The following ZNF131 variants were observed in gnomAD, a reference collection of about 807,000 sequenced individuals.
ZNF131 encodes zinc finger and BTB domain containing 35.
A neutral mutation model predicts 60.0 loss-of-function variants in ZNF131; 7 were observed. That is an observed-to-expected ratio of 0.12 (90% confidence interval 0.07 to 0.22). The LOEUF (loss-of-function observed/expected upper bound fraction) is 0.22. ZNF131 is among the 10% of genes least tolerant of loss of function. The probability of loss-of-function intolerance (pLI) is 1.00; values close to 1 mark genes in which losing one functional copy is unlikely to be tolerated. For missense variants in ZNF131, 493 were observed against 740.9 expected (o/e 0.67, Z 3.88); for synonymous variants, 257 against 253.2 (o/e 1.01, Z -0.14).
At chr5:43,130,774 C>A (rs1745240591) in intron 3 of ZNF131, among the ~76,000 whole-genome samples, 1 of 151,964 alleles carries the variant, frequency 6.6e-6, no homozygotes, top group African/African-American at 2.4e-5. Context: ...CCATGTTGGT[C>A]AGGCTGATCT....
intron 3 of ZNF131, among the ~76,000 whole-genome samples, chr5:43,132,685 A>T (rs547139469): frequency 1.4e-4 from 22 of 151,746 alleles, no homozygotes; most frequent in South Asian, 2.1e-4. Context: ...TAATTTTGTT[A>T]TATTTTTGGC....
intron 3 of ZNF131, among the ~76,000 whole-genome samples, chr5:43,133,101 A>G (rs533116458): frequency 6.6e-6 from 1 of 152,298 alleles, no homozygotes; most frequent in Admixed American, 6.5e-5. Context: ...ATATAAAGAA[A>G]CAGTATCACT....
At chr5:43,172,794 A>G (rs782984) in intron 5 of ZNF131, among the ~76,000 whole-genome samples, 42,120 of 151,878 alleles carry the variant, frequency 0.28, 6,410 homozygotes, top group East Asian at 0.63. Context: ...ACTGCAATAC[A>G]TATTCCATCG....
Position 43,174,620 on chromosome 5 carries a change from A to C in ZNF131, c.1359A>C (p.Glu453Asp). ...HNISERLVTE[E>D]VLSVETRVQT... ...TTTCAGAGCGTCTAGTAACGGAAGA[A>C]GTTCTTTCAGTAGAAACACGTGTGC... The change falls in exon 7 of 7, where the codon GAA becomes GAC. Residue 453 changes from glutamate (E) to aspartate (D), a missense_variant. Glu to Asp is a conservative substitution (Grantham distance 45). Transcript: ENST00000682664. 6.2e-7 allele frequency: 1 copy of C among 1,614,170 alleles called. No individual in the cohort carries two copies. The highest frequency in any genetic ancestry group is 8.5e-7 in the Non-Finnish European group (1 of 1,179,996).
At chr5:43,163,118 G>A (rs1425898676) in intron 5 of ZNF131, among the ~76,000 whole-genome samples, 3 of 151,064 alleles carry the variant, frequency 2.0e-5, no homozygotes, top group Non-Finnish European at 3.0e-5. Flanking sequence ...GACTACAGGC[G>A]AGCACCACCA....
chr5:43,165,014 G>C (rs967769914), intron 5 of ZNF131, among the ~76,000 whole-genome samples: 1 of 152,074 alleles, frequency 6.6e-6, no homozygotes, highest in Non-Finnish European at 1.5e-5. Flanking sequence ...ACAGTGGCGC[G>C]ATCATGGCTC....
chr5:43,139,326 A>G lies in ZNF131; in HGVS notation c.371+17A>G. On this transcript the variant is annotated intron_variant, in intron 4 of 6. Transcript: ENST00000682664. ...TGAAGTCAGGTACTTAATTTCTTTA[A>G]TGGGGTTCAGATAGTCATATTCAGT... 3.1e-6 allele frequency: 5 copies of G among 1,596,658 alleles called. No homozygotes were observed. Among genetic ancestry groups the G allele is most frequent in the Non-Finnish European group, 4.3e-6 (5 of 1,172,930 alleles).
At chr5:43,121,954 T>G in intron 1 of ZNF131, 85 bp from the exon 2 acceptor site, 3 of 1,425,312 alleles carry the variant, frequency 2.1e-6, no homozygotes, top group Non-Finnish European at 2.8e-6. Flanking sequence ...CGTTGCTGGT[T>G]TTTTTTGTTG....
chr5:43,143,701 A>T (rs1030581223), intron 4 of ZNF131, among the ~76,000 whole-genome samples: 2 of 151,966 alleles, frequency 1.3e-5, no homozygotes, highest in Non-Finnish European at 1.5e-5. Flanking sequence ...AAGTCTCCAC[A>T]TTTTTGTTGG....
intron 4 of ZNF131, among the ~76,000 whole-genome samples, chr5:43,151,180 T>C (rs980364523): frequency 2.0e-5 from 3 of 152,204 alleles, no homozygotes; most frequent in Admixed American, 6.5e-5. Flanking sequence ...CCAAGTGATA[T>C]CAGTGAACAT....
rs144076778 is a variant in ZNF131 at position 43,141,240 on chromosome 5, A to C, written c.371+1931A>C. ...AGATGGATACATGCTAATTAAAACC[A>C]GATCAGTACTCTTGCAGAGAGACCT... On this transcript the variant is annotated intron_variant, in intron 4 of 6. Transcript: ENST00000682664. 5.6e-3 allele frequency among the ~76,000 whole-genome samples: 847 copies of C among 152,304 alleles called. 5 individuals are homozygous for C. The highest frequency in any genetic ancestry group is 7.3e-3 in the Non-Finnish European group (500 of 68,032).
In ZNF131 at chr5:43,122,079, G is replaced by C; in HGVS notation, c.26G>C (p.Cys9Ser). 1 of 1,613,996 alleles carries C rather than the reference G, an allele frequency of 6.2e-7. No homozygotes were observed. Among genetic ancestry groups the C allele is most frequent in the Non-Finnish European group, 8.5e-7 (1 of 1,179,990 alleles). MEAEETME[C>S]LQEFPEHHKM... ...ATGGAGGCTGAAGAGACGATGGAAT[G>C]CCTTCAGGAGTTCCCTGAACATCAT... Residue 9 changes from cysteine to serine, a missense_variant, in exon 2 of 7, where the codon TGC (cysteine) becomes TCC (serine). Transcript: ENST00000682664.
rs1434608267 is a variant in ZNF131 at position 43,175,615 on chromosome 5, C to T, written c.*482C>T. 9.3e-6 allele frequency: 5 copies of T among 536,416 alleles called. No individual in the cohort carries two copies. The South Asian group carries it at 1.2e-4, about 13-fold the overall frequency. 33.2% of individuals were successfully genotyped at this position (536,416 alleles called of 1,614,324 possible). A position where few individuals can be genotyped will look rare whatever the true frequency, so the allele number is the denominator to read the frequency against. On this transcript the variant is annotated 3_prime_UTR_variant, in exon 7 of 7. Transcript: ENST00000682664. ...TTGTTACTGTGCAGTTAAATTTTGG[C>T]TTCTGGCTTTCTTTAGTTTGAACAA... is the stretch of plus-strand genomic sequence containing the variant.
rs782983 is a variant in ZNF131, at chr5:43,175,092, G to A, written c.1831G>A (p.Ala611Thr). 1 of 1,614,130 alleles carries A rather than the reference G, an allele frequency of 6.2e-7. No homozygotes were observed. Among genetic ancestry groups the A allele is most frequent in the Non-Finnish European group, 8.5e-7 (1 of 1,180,022 alleles). The change falls in exon 7 of 7, where the codon GCA (alanine) becomes ACA (threonine). Residue 611 changes from alanine (A) to threonine (T), a missense_variant. By Grantham distance (58) the Ala-to-Thr change is moderately conservative. Transcript: ENST00000682664. ...AACAGTGGATTCTGAAGCAGAAAAG[G>A]CAGAGAATGAGGACAGAACAGCTCT... ...KPTVDSEAEK[A>T]ENEDRTALPV...
At chr5:43,172,617 C>CA (rs36072959) in intron 5 of ZNF131, among the ~76,000 whole-genome samples, 12,781 of 130,920 alleles carry the variant, frequency 0.098, 1,090 homozygotes, top group East Asian at 0.24. Context: ...GTAAGACTCT[C>CA]AAAAAAAAAA....
intron 4 of ZNF131, among the ~76,000 whole-genome samples, chr5:43,140,838 C>T (rs1287011701): frequency 6.6e-6 from 1 of 152,156 alleles, no homozygotes; most frequent in Non-Finnish European, 1.5e-5. Flanking sequence ...CTGTCTCAGC[C>T]TCCTGAGTAG....
chr5:43,148,997 A>G (rs1747964217), intron 4 of ZNF131, among the ~76,000 whole-genome samples: 1 of 152,192 alleles, frequency 6.6e-6, no homozygotes, highest in Non-Finnish European at 1.5e-5. Context: ...TTTGAAATTC[A>G]TGCCGGGCAC....
At chr5:43,148,768 CT>C (rs1391428482) in intron 4 of ZNF131, among the ~76,000 whole-genome samples, 2 of 152,148 alleles carry the variant, frequency 1.3e-5, no homozygotes, top group African/African-American at 4.8e-5. Context: ...ATAATATAAG[CT>C]GCACATATTA....
At chr5:43,172,491 G>A (rs1194565579) in intron 5 of ZNF131, among the ~76,000 whole-genome samples, 3 of 152,000 alleles carry the variant, frequency 2.0e-5, no homozygotes, top group Admixed American at 6.6e-5. Context: ...GCGTGCTGGC[G>A]CACACATTTG....
Sources: allele counts gnomAD v4.1 joint callset (sites outside exome capture counted in the v4.1 genomes callset), GRCh38; gene constraint gnomAD v4.1.1; transcripts MANE v1.5; gene names NCBI Gene and HGNC (gene_info 2026-07-23, HGNC 2026-07-21).